Variants in PDE11A observed in about 807,000 individuals in gnomAD.
PDE11A encodes the protein dual 3',5'-cyclic-AMP and -GMP phosphodiesterase 11A.
In PDE11A, 100 loss-of-function variants were observed where a neutral mutation model predicts 100.5. The ratio of observed to expected loss-of-function variants is 1.00; its 90% CI spans 0.85 to 1.18. The LOEUF (loss-of-function observed/expected upper bound fraction) is 1.18. Among genes scored for constraint, PDE11A ranks in the 50% most tolerant of loss-of-function variants. The pLI, the probability that PDE11A is intolerant of heterozygous loss-of-function variation, is 0.00. For synonymous variants in PDE11A, 381 were observed against 420.8 expected, an observed-to-expected ratio of 0.91 and a Z score of 1.16; for missense variants, 1,141 against 1,152.6, an observed-to-expected ratio of 0.99 and a Z score of 0.15.
chr2:177,835,967 C>G, intron 6 of PDE11A, among the ~76,000 whole-genome samples: 1 of 152,220 alleles, frequency 6.6e-6, no homozygotes, highest in East Asian at 1.9e-4. Context: ...CTGCCGTGGG[C>G]TCCTGTGCTG....
rs754790119 is a variant in PDE11A at position 178,072,147 on chromosome 2, G to A, written c.291C>T (p.Pro97=). ...TGCCACCGGCCCAGCTGGGACTCAA[G>A]GGAACCCCACCACAGTCCCCGCCAC... ...LPGGGDCGGV[P]LSPSWAGGSR... is the part of the protein sequence containing the mutation. Residue 97 remains proline, a synonymous_variant, in exon 1 of 20, where the codon CCC becomes CCT. Coordinates refer to ENST00000286063, the MANE Select transcript of PDE11A (RefSeq NM_016953.4). 21 of 1,613,798 alleles carry A rather than the reference G, an allele frequency of 1.3e-5. No individual in the cohort carries two copies. The highest frequency in any genetic ancestry group is 1.7e-5 in the Non-Finnish European group (20 of 1,179,918).
At chr2:177,988,851 T>G (rs2105808275) in intron 2 of PDE11A, among the ~76,000 whole-genome samples, 1 of 152,328 alleles carries the variant, frequency 6.6e-6, no homozygotes. Context: ...GAAATGTCCA[T>G]TGAAACTGAG....
chr2:177,814,442 G>A (rs754807097), intron 9 of PDE11A, among the ~76,000 whole-genome samples: 6 of 152,088 alleles, frequency 3.9e-5, no homozygotes, highest in South Asian at 2.1e-4. Flanking sequence ...GCCAGGGAGC[G>A]GGGTGGATGC....
At chr2:177,855,200 G>A (rs1035915864) in intron 5 of PDE11A, among the ~76,000 whole-genome samples, 3 of 152,078 alleles carry the variant, frequency 2.0e-5, no homozygotes, top group Admixed American at 6.6e-5. Flanking sequence ...ATTATATACT[G>A]TGGAAATATT....
At chr2:177,904,946 A>G (rs1174462646) in intron 3 of PDE11A, 152 bp downstream of exon 3, 1 of 666,476 alleles carries the variant, frequency 1.5e-6, no homozygotes, top group Non-Finnish European at 2.7e-6. Flanking sequence ...CTTAAAGTGT[A>G]TCTTCAACCA....
At chr2:177,940,133 C>T (rs970022950) in intron 2 of PDE11A, among the ~76,000 whole-genome samples, 3 of 152,026 alleles carry the variant, frequency 2.0e-5, no homozygotes, top group Non-Finnish European at 2.9e-5. Context: ...GAAATAGGAT[C>T]GTCCAGAAGT....
chr2:178,095,689 T>C (rs1189254070), intron 2 of PDE11A, among the ~76,000 whole-genome samples: 1 of 152,240 alleles, frequency 6.6e-6, no homozygotes, highest in East Asian at 1.9e-4. Flanking sequence ...ATGAAGACTC[T>C]GCCTCTAGAG....
chr2:178,046,316 G>T (rs1456037863), intron 1 of PDE11A, among the ~76,000 whole-genome samples: 1 of 152,082 alleles, frequency 6.6e-6, no homozygotes, highest in East Asian at 1.9e-4. Flanking sequence ...TATGGATGAA[G>T]TCTTATCAGC....
At chr2:178,039,028 A>G (rs1468003635) in intron 1 of PDE11A, 11 of 152,220 alleles carry the variant, frequency 7.2e-5, no homozygotes, top group Non-Finnish European at 1.6e-4. Flanking sequence ...CTGGCTATAT[A>G]ACCAGAGGAA....
chr2:178,015,366 A>G (rs941217147), intron 1 of PDE11A, among the ~76,000 whole-genome samples: 6 of 152,230 alleles, frequency 3.9e-5, no homozygotes, highest in Non-Finnish European at 8.8e-5. Flanking sequence ...AGAAATCATC[A>G]GTCATTCTAT....
Position 177,840,388 on chromosome 2 carries a change from C to A in PDE11A, c.1368-5G>T. 1.2e-6 allele frequency: 2 copies of A among 1,613,546 alleles called. No homozygotes were observed. Among genetic ancestry groups the A allele is most frequent in the African/African-American group, 2.7e-5 (2 of 75,020 alleles). On this transcript the variant is annotated splice_region_variant and splice_polypyrimidine_tract_variant and intron_variant, in intron 5 of 19. Coordinates refer to ENST00000286063, the MANE Select transcript of PDE11A (RefSeq NM_016953.4). ...TTCTCCATGCTTTCTTTGAAACTAT[C>A]AGAGCACCAAGGTAGGCAGGAAGAA... is the stretch of plus-strand genomic sequence containing the variant.
chr2:177,761,901 AG>A (rs1574115687), intron 10 of PDE11A, among the ~76,000 whole-genome samples: 1 of 152,226 alleles, frequency 6.6e-6, no homozygotes, highest in East Asian at 1.9e-4. Context: ...AAGAATCTAG[AG>A]GCTTCTAGAA....
chr2:177,867,924 C>T (rs1446302552), intron 5 of PDE11A, among the ~76,000 whole-genome samples: 1 of 152,092 alleles, frequency 6.6e-6, no homozygotes, highest in Non-Finnish European at 1.5e-5. Context: ...GCTAAGAGCT[C>T]CTTGGACTAA....
At chr2:178,069,220 T>C (rs185993809) in intron 1 of PDE11A, among the ~76,000 whole-genome samples, 2 of 152,266 alleles carry the variant, frequency 1.3e-5, no homozygotes, top group South Asian at 2.1e-4. Flanking sequence ...AAAAATAATC[T>C]TTGCTAGGTA....
rs943782581 is a variant in PDE11A, at chr2:177,820,381, T to C, written c.1501-86A>G. On this transcript the variant is annotated intron_variant, in intron 6 of 19. Transcript: ENST00000286063. The stretch of plus-strand genomic sequence containing the variant: ...TTTTTTCCATTTTTCATAACAGATA[T>C]TCAAAAATAACTTTTTAAAGCTATT... 24 of 815,038 alleles carry C rather than the reference T, an allele frequency of 2.9e-5. No individual in the cohort carries two copies. The African/African-American group carries it at 4.0e-4, about 14-fold the overall frequency. The allele number at this position is 815,038 out of a possible 1,614,324, so 50.5% of individuals were successfully genotyped here.
At chr2:177,928,977 CTG>C (rs1330317151) in intron 2 of PDE11A, among the ~76,000 whole-genome samples, 3 of 152,164 alleles carry the variant, frequency 2.0e-5, no homozygotes, top group Non-Finnish European at 4.4e-5. Flanking sequence ...AAAAAGTAAA[CTG>C]TGCTCTTTTA....
chr2:178,021,398 T>C (rs942614283), intron 1 of PDE11A, among the ~76,000 whole-genome samples: 1 of 152,166 alleles, frequency 6.6e-6, no homozygotes, highest in African/African-American at 2.4e-5. Flanking sequence ...TAATGGGAGA[T>C]CAGAATCGCT....
chr2:177,954,150 C>T (rs769760651), intron 2 of PDE11A, among the ~76,000 whole-genome samples: 42 of 151,800 alleles, frequency 2.8e-4, no homozygotes, highest in Middle Eastern at 3.2e-3. Flanking sequence ...TATAATGCTT[C>T]CCTGTTTCCT....
intron 2 of PDE11A, among the ~76,000 whole-genome samples, chr2:177,995,652 C>CCCT (rs1553498608): frequency 1.3e-5 from 2 of 149,008 alleles, no homozygotes; most frequent in African/African-American, 4.9e-5. Flanking sequence ...CACCACCCAC[C>CCCT]CCGCATCTGC....
Sources: allele counts gnomAD v4.1 joint callset (sites outside exome capture counted in the v4.1 genomes callset), GRCh38; gene constraint gnomAD v4.1.1; transcripts MANE v1.5; gene names NCBI Gene and HGNC (gene_info 2026-07-23, HGNC 2026-07-21).